Variants in POLR2H observed in about 807,000 individuals in gnomAD.
POLR2H encodes the protein RNA polymerase II, I and III subunit H.
In POLR2H, 3 loss-of-function variants were observed where a neutral mutation model predicts 18.1. That is an observed-to-expected ratio of 0.17 (90% CI 0.08 to 0.43). The LOEUF is 0.43. POLR2H is among the 20% of genes least tolerant of loss of function. POLR2H has a pLI of 0.99. For missense variants in POLR2H, 103 were observed against 184.6 expected (o/e 0.56, Z 2.56); for synonymous variants, 76 against 69.0 (o/e 1.10, Z -0.50).
chr3:184,368,061 A>G, intron 5 of POLR2H, 116 bp from the exon 6 acceptor site: 4 of 1,490,086 alleles, frequency 2.7e-6, no homozygotes, highest in Non-Finnish European at 3.7e-6. Context: ...CTTTGTCAGA[A>G]TTTTGGTTCC....
intron 4 of POLR2H, among the ~76,000 whole-genome samples, chr3:184,365,706 G>A (rs1461404919): frequency 6.6e-6 from 1 of 151,618 alleles, no homozygotes; most frequent in Non-Finnish European, 1.5e-5. Context: ...GGGCGCGGTG[G>A]CTCACGCCTG....
intron 5 of POLR2H, 155 bp from the exon 6 acceptor site, chr3:184,368,022 C>A: frequency 3.9e-6 from 4 of 1,021,602 alleles, no homozygotes; most frequent in Admixed American, 2.3e-5. Context: ...TGAGATGGAA[C>A]AGTGCCTTGC....
Position 184,363,429 on chromosome 3 carries a change from G to A in POLR2H, c.-64G>A. ...TCTCCGGTCTTGTCCACGCTAGGGG[G>A]TGCACGTACTCCCAACTGTGGTCGC... On this transcript the variant is annotated 5_prime_UTR_variant, in exon 2 of 6. It adds an upstream start codon to the 5' untranslated region. Transcript: ENST00000456318. The A allele has an allele frequency of 1.5e-6, 2 of 1,336,230 alleles. No individual in the cohort carries two copies. Among genetic ancestry groups the A allele is most frequent in the Non-Finnish European group, 2.1e-6 (2 of 930,592 alleles). The allele number at this position is 1,336,230 out of a possible 1,614,324, so 82.8% of individuals were successfully genotyped here.
chr3:184,366,618 T>A (rs568731494), intron 4 of POLR2H, 99 bp from the exon 5 acceptor site: 3 of 703,992 alleles, frequency 4.3e-6, no homozygotes, highest in East Asian at 2.9e-5. Flanking sequence ...GGTTACAGGC[T>A]TGAGCCACCA....
intron 4 of POLR2H, among the ~76,000 whole-genome samples, chr3:184,365,687 A>C (rs1489918703): frequency 6.6e-6 from 1 of 150,778 alleles, no homozygotes; most frequent in Non-Finnish European, 1.5e-5. Flanking sequence ...AAAGAAAAAA[A>C]TTCGGGCCGG....
chr3:184,364,809 G>C, intron 2 of POLR2H, 157 bp from the exon 3 acceptor site: 1 of 592,474 alleles, frequency 1.7e-6, no homozygotes, highest in Admixed American at 3.1e-5. Flanking sequence ...TTTCCTTCTT[G>C]CATATCTGGT....
chr3:184,365,076 A>G (rs1560275806), intron 3 of POLR2H, 27 bp downstream of exon 3: 4 of 1,581,522 alleles, frequency 2.5e-6, no homozygotes, highest in African/African-American at 2.7e-5. Context: ...GACAATAATA[A>G]GAGACTTTTT....
intron 2 of POLR2H, chr3:184,364,721 TC>T (rs1712936443): frequency 1.8e-6 from 1 of 550,648 alleles, no homozygotes. Flanking sequence ...TTCTCAGTCA[TC>T]CAGGCAGGCT....
chr3:184,367,382 T>C (rs1367921579), intron 5 of POLR2H, among the ~76,000 whole-genome samples: 2 of 152,186 alleles, frequency 1.3e-5, no homozygotes, highest in Non-Finnish European at 2.9e-5. Flanking sequence ...TGTTCTGTTT[T>C]TTTCTTGGAG....
At chr3:184,366,911 G>A (rs1207402810) in intron 5 of POLR2H, 111 bp downstream of exon 5, 1 of 695,058 alleles carries the variant, frequency 1.4e-6, no homozygotes, top group Non-Finnish European at 2.6e-6. Flanking sequence ...TCAGACCGAG[G>A]TGGGAACTAG....
intron 5 of POLR2H, among the ~76,000 whole-genome samples, chr3:184,367,665 T>C (rs1182679069): frequency 6.6e-6 from 1 of 151,904 alleles, no homozygotes; most frequent in Non-Finnish European, 1.5e-5. Context: ...TTTTTTTTTG[T>C]ATTTTTAGTA....
chr3:184,365,106 ACT>A, intron 3 of POLR2H, 25 bp from the exon 4 acceptor site: 2 of 1,587,914 alleles, frequency 1.3e-6, no homozygotes, highest in Non-Finnish European at 8.6e-7. Context: ...GCTATTCTTT[ACT>A]CTCTGATATT....
In POLR2H at chr3:184,363,194, T is replaced by TCTACAGCCTATTGCTTCCCCGCC. The variant is rs1324642896; in HGVS notation, c.-296_-274dup. ...GCCCCAGCGGAGCGCGAGAACCCGC[T>TCTACAGCCTATTGCTTCCCCGCC]CTACAGCCTATTGCTTCCCCGCCCT... On this transcript the variant is annotated 5_prime_UTR_variant, in exon 2 of 6. Transcript: ENST00000456318. The TCTACAGCCTATTGCTTCCCCGCC allele has an allele frequency of 2.1e-5, 10 of 467,670 alleles. No homozygotes were observed. The highest frequency in any genetic ancestry group is 2.8e-5 in the Non-Finnish European group (7 of 253,408). 29.0% of individuals were successfully genotyped at this position (467,670 alleles called of 1,614,324 possible).
At chr3:184,365,260 G>A in intron 4 of POLR2H, 34 bp downstream of exon 4, 2 of 1,220,414 alleles carry the variant, frequency 1.6e-6, no homozygotes, top group Admixed American at 1.7e-5. Flanking sequence ...CTTGAAATAT[G>A]CCTTGAGGAC....
At chr3:184,368,031 GCACATACCTGTGCATTGATCTTT>G (rs1713631435) in intron 5 of POLR2H, 123 bp from the exon 6 acceptor site, 2 of 1,157,686 alleles carry the variant, frequency 1.7e-6, no homozygotes, top group African/African-American at 3.5e-5. Context: ...ACAGTGCCTT[GCACATACCTGTGCATTGATCTTT>G]GTCAGAATTT....
chr3:184,368,549 C>T lies in POLR2H; in HGVS notation c.*255C>T. The T allele has an allele frequency of 2.7e-6, 1 of 366,322 alleles. No homozygotes were observed. The allele number at this position is 366,322 out of a possible 1,614,324, so 22.7% of individuals were successfully genotyped here. On this transcript the variant is annotated 3_prime_UTR_variant, in exon 6 of 6. Transcript: ENST00000456318. The stretch of plus-strand genomic sequence containing the variant: ...CTTTACTTTTTCAGACTGCCCCTCC[C>T]CTTTTTGTAAAAAGTCCATTTACTG...
chr3:184,364,677 C>T, intron 2 of POLR2H: 1 of 484,330 alleles, frequency 2.1e-6, no homozygotes, highest in Non-Finnish European at 3.7e-6. Context: ...AAGAGAAAAC[C>T]TTTGGATGAT....
intron 4 of POLR2H, among the ~76,000 whole-genome samples, chr3:184,365,774 C>T (rs1337071524): frequency 7.3e-5 from 11 of 151,584 alleles, no homozygotes; most frequent in Admixed American, 5.9e-4. Flanking sequence ...GAGATCGAGA[C>T]CATCCTGGCT....
rs1712478477 is a variant in POLR2H at position 184,362,949 on chromosome 3, G to T, written c.-544G>T. The stretch of plus-strand genomic sequence containing the variant: ...AGCAGGGCCGAGCCGGCCCAGGCCG[G>T]CCCCGGGGTCCTCGGTGCCGGCTGG... On this transcript the variant is annotated 5_prime_UTR_variant, in exon 2 of 6. Transcript: ENST00000456318. The surrounding 1 kb of genome is among the most constrained non-coding windows in gnomAD (Gnocchi z 5.9). 1 of 168,780 alleles carries T rather than the reference G, an allele frequency of 5.9e-6. No homozygotes were observed. Among genetic ancestry groups the T allele is most frequent in the African/African-American group, 2.4e-5 (1 of 41,484 alleles). 10.5% of individuals were successfully genotyped at this position (168,780 alleles called of 1,614,324 possible).
Sources: gnomAD v4.1 joint callset for allele counts (sites outside exome capture counted in the v4.1 genomes callset) on GRCh38, gnomAD v4.1.1 for gene constraint, Gnocchi (gnomAD v3.1) non-coding constraint, MANE v1.5 for transcripts, NCBI Gene and HGNC (gene_info 2026-07-23, HGNC 2026-07-21) for gene names.